AUTS2: variants seen among roughly 807,000 people sequenced by gnomAD.
AUTS2 encodes autism susceptibility gene 2 protein.
Under a neutral mutation model 112.4 loss-of-function variants are expected in AUTS2, and 17 were observed. The ratio of observed to expected loss-of-function variants is 0.15; its 90% CI spans 0.10 to 0.23. AUTS2 has a LOEUF of 0.23. Among genes scored for constraint, AUTS2 ranks in the 10% least tolerant of loss-of-function variants. The probability of loss-of-function intolerance (pLI) is 1.00; values close to 1 mark genes in which losing one functional copy is unlikely to be tolerated. For missense variants in AUTS2, 1,510 were observed against 1,701.6 expected, an observed-to-expected ratio of 0.89 and a Z score of 1.98; for synonymous variants, 751 against 702.7, an observed-to-expected ratio of 1.07 and a Z score of -1.09.
chr7:69,978,731 A>C (rs1393231388), intron 2 of AUTS2, among the ~76,000 whole-genome samples: 2 of 152,060 alleles, frequency 1.3e-5, no homozygotes, highest in Non-Finnish European at 2.9e-5. Flanking sequence ...CTATGGTCCC[A>C]GCTAATTGGG....
At chr7:70,318,169 T>C (rs1490485979) in intron 4 of AUTS2, among the ~76,000 whole-genome samples, 1 of 152,060 alleles carries the variant, frequency 6.6e-6, no homozygotes, top group Non-Finnish European at 1.5e-5. Flanking sequence ...ATGAACTCAT[T>C]CAGGGTATAA....
At chr7:70,170,970 CTG>C (rs912969691) in intron 4 of AUTS2, among the ~76,000 whole-genome samples, 2 of 152,054 alleles carry the variant, frequency 1.3e-5, no homozygotes, top group Non-Finnish European at 2.9e-5. Context: ...ATCTAAATGA[CTG>C]GGGGAAAAGT....
At chr7:70,422,258 G>A (rs1466381318) in intron 4 of AUTS2, among the ~76,000 whole-genome samples, 1 of 152,222 alleles carries the variant, frequency 6.6e-6, no homozygotes, top group African/African-American at 2.4e-5. Context: ...TCTGGTTGGT[G>A]AGAAGTTGAT....
chr7:70,598,092 A>C (rs1342367764), intron 5 of AUTS2, among the ~76,000 whole-genome samples: 1 of 152,214 alleles, frequency 6.6e-6, no homozygotes, highest in African/African-American at 2.4e-5. Context: ...AAAAGCAGGT[A>C]TCGAAAGACG....
At chr7:69,723,345 T>C (rs1416870846) in intron 1 of AUTS2, among the ~76,000 whole-genome samples, 1 of 152,188 alleles carries the variant, frequency 6.6e-6, no homozygotes, top group Non-Finnish European at 1.5e-5. Context: ...GTATGTTTTA[T>C]AAGGATTGCT....
At position 69,865,065 on chromosome 7, in the gene AUTS2, G is replaced by T. The variant is rs192742191; in HGVS notation, c.310-34221G>T. Among the ~76,000 whole-genome samples, 10 of 150,538 alleles carry T rather than the reference G, an allele frequency of 6.6e-5. No individual in the cohort carries two copies. The East Asian group carries it at 2.0e-3, about 29-fold the overall frequency. ...ACTCACAGACGTGAATGAACAGAAAGATTTATGTCTTGTGTGTTGGATATT... is the reference window on the plus strand; with the variant it reads ...ACTCACAGACGTGAATGAACAGAAATATTTATGTCTTGTGTGTTGGATATT... On this transcript the variant is annotated intron_variant, in intron 1 of 18. Coordinates refer to ENST00000342771, the MANE Select transcript of AUTS2 (RefSeq NM_015570.4).
chr7:69,686,078 A>G (rs1457256054), intron 1 of AUTS2, among the ~76,000 whole-genome samples: 1 of 152,196 alleles, frequency 6.6e-6, no homozygotes, highest in Non-Finnish European at 1.5e-5. Context: ...CCATGGAGTG[A>G]GAACAAAGAT....
At chr7:70,610,373 G>A (rs1417869483) in intron 5 of AUTS2, among the ~76,000 whole-genome samples, 3 of 147,436 alleles carry the variant, frequency 2.0e-5, no homozygotes, top group African/African-American at 7.4e-5. Context: ...CCCACCAACA[G>A]CATGTAAGCT....
chr7:69,938,312 A>G (rs1408009467), intron 2 of AUTS2, among the ~76,000 whole-genome samples: 2 of 152,122 alleles, frequency 1.3e-5, no homozygotes, highest in Admixed American at 6.5e-5. Context: ...CTGCTCTTCT[A>G]TAAAACTCCA....
chr7:70,734,283 CA>C (rs1218577554), intron 6 of AUTS2, among the ~76,000 whole-genome samples: 4 of 151,700 alleles, frequency 2.6e-5, no homozygotes, highest in Non-Finnish European at 4.4e-5. Context: ...AGTAAAAATA[CA>C]AAAAAATTAG....
At chr7:70,078,861 C>T (rs554605323) in intron 2 of AUTS2, among the ~76,000 whole-genome samples, 1 of 152,320 alleles carries the variant, frequency 6.6e-6, no homozygotes, top group African/African-American at 2.4e-5. Context: ...TGTTTAAATT[C>T]TCGTCTGCTC....
chr7:69,867,705 G>A (rs1024477749), intron 1 of AUTS2, among the ~76,000 whole-genome samples: 10 of 152,000 alleles, frequency 6.6e-5, no homozygotes, highest in African/African-American at 1.7e-4. Context: ...TTAAGAGTGC[G>A]TGGCAAAAAT....
At chr7:70,515,838 A>G (rs1011481919) in intron 5 of AUTS2, among the ~76,000 whole-genome samples, 1 of 152,204 alleles carries the variant, frequency 6.6e-6, no homozygotes, top group South Asian at 2.1e-4. Context: ...TTAAGAGACC[A>G]GTTTCTGACA....
chr7:69,660,095 A>G (rs1584025232), intron 1 of AUTS2, among the ~76,000 whole-genome samples: 1 of 152,240 alleles, frequency 6.6e-6, no homozygotes, highest in South Asian at 2.1e-4. Flanking sequence ...CTCCAGGGGA[A>G]TCAAAAAGGA....
At chr7:70,025,448 T>A (rs10273136) in intron 2 of AUTS2, among the ~76,000 whole-genome samples, 1 of 151,118 alleles carries the variant, frequency 6.6e-6, no homozygotes, top group Non-Finnish European at 1.5e-5. Flanking sequence ...TTTTTTTGTT[T>A]CCTTTTTTTT....
At chr7:70,078,907 G>C (rs1016943584) in intron 2 of AUTS2, among the ~76,000 whole-genome samples, 1 of 152,226 alleles carries the variant, frequency 6.6e-6, no homozygotes, top group Non-Finnish European at 1.5e-5. Flanking sequence ...TAGCAGCTAA[G>C]AGAGCTTTCA....
intron 1 of AUTS2, among the ~76,000 whole-genome samples, chr7:69,697,123 G>A (rs1797594982): frequency 6.6e-6 from 1 of 152,222 alleles, no homozygotes; most frequent in Non-Finnish European, 1.5e-5. Context: ...CTCATCCATA[G>A]TTTCTGATTC....
rs527936770 is a variant in AUTS2 at position 69,628,576 on chromosome 7, A to T, written c.309+28614A>T. 3.3e-4 allele frequency among the ~76,000 whole-genome samples: 50 copies of T among 152,324 alleles called. 2 individuals are homozygous for T. In the South Asian group the frequency reaches 1.0e-2, roughly 30 times the overall value. On this transcript the variant is annotated intron_variant, in intron 1 of 18. Transcript: ENST00000342771. ...AGGTTTAATTGGCTCATCATTCCAC[A>T]GGCTGTACAGGAAGCATGGCTGGGG...
chr7:69,959,592 G>A (rs538523726), intron 2 of AUTS2, among the ~76,000 whole-genome samples: 20 of 152,022 alleles, frequency 1.3e-4, no homozygotes, highest in African/African-American at 2.2e-4. Flanking sequence ...TCACTTTCTC[G>A]GATCATGACC....
Sources: allele counts gnomAD v4.1 joint callset (sites outside exome capture counted in the v4.1 genomes callset), GRCh38; gene constraint gnomAD v4.1.1; transcripts MANE v1.5; gene names NCBI Gene and HGNC (gene_info 2026-07-23, HGNC 2026-07-21).